RSPH10B: variants seen among roughly 807,000 people sequenced by gnomAD.
RSPH10B encodes radial spoke head 10 homolog B, also known as radial spoke head 10 homolog B (Chlamydomonas).
In RSPH10B, 7 loss-of-function variants were observed where a neutral mutation model predicts 52.5. That is an observed-to-expected ratio of 0.13 (90% CI 0.08 to 0.25). The LOEUF (loss-of-function observed/expected upper bound fraction) is 0.25. RSPH10B is among the 10% of genes least tolerant of loss of function. The pLI, the probability that RSPH10B is intolerant of heterozygous loss-of-function variation, is 1.00. For missense variants in RSPH10B, 89 were observed against 542.5 expected, an observed-to-expected ratio of 0.16 and a Z score of 8.30; for synonymous variants, 28 against 193.2, an observed-to-expected ratio of 0.14 and a Z score of 7.09.
intron 1 of RSPH10B, 106 bp from the exon 4 acceptor site, chr7:5,965,818 A>C: frequency 1.1e-5 from 3 of 263,916 alleles, no homozygotes. Flanking sequence ...AAGTCAGAAA[A>C]AAAAAAATAT....
chr7:5,927,048 T>TGTGTGTG (rs1347951159), intron 18 of RSPH10B, among the ~76,000 whole-genome samples: 23 of 70,838 alleles, frequency 3.2e-4, no homozygotes, highest in African/African-American at 8.1e-4. Context: ...TGTGTGTGTA[T>TGTGTGTG]TATGTGTGTG....
In RSPH10B at chr7:5,929,361, A is replaced by G. The variant is rs571456148; in HGVS notation, c.2234-967T>C. Among the ~76,000 whole-genome samples the G allele has an allele frequency of 6.0e-3, 707 of 118,812 alleles. 27 individuals are homozygous for G. Among genetic ancestry groups the G allele is most frequent in the African/African-American group, 0.02 (567 of 28,654 alleles). The allele number at this position is 118,812 out of a possible 152,430, so 77.9% of individuals were successfully genotyped here. A position where few individuals can be genotyped will look rare whatever the true frequency, so the allele number is the denominator to read the frequency against. ...CACCCAGCTAATTATTATAGAGACA[A>G]GGTTTCGCTATGTTGCCCATGGTCT... On this transcript the variant is annotated intron_variant, in intron 17 of 18. Transcript: ENST00000337579.
At chr7:5,942,923 TATA>T (rs2128629961) in intron 13 of RSPH10B, among the ~76,000 whole-genome samples, 1 of 117,974 alleles carries the variant, frequency 8.5e-6, no homozygotes, top group African/African-American at 3.1e-5. Flanking sequence ...TATATATATA[TATA>T]TTTTTTTTTA....
chr7:5,940,881 A>G (rs1780146157), intron 13 of RSPH10B, among the ~76,000 whole-genome samples: 1 of 67,550 alleles, frequency 1.5e-5, no homozygotes, highest in Non-Finnish European at 3.2e-5. Flanking sequence ...AGCCAAGATC[A>G]GGTCGCTGCA....
chr7:5,942,142 C>A (rs1299704976), intron 13 of RSPH10B, among the ~76,000 whole-genome samples: 2 of 147,980 alleles, frequency 1.4e-5, no homozygotes, highest in Non-Finnish European at 3.0e-5. Flanking sequence ...TGATCCACCC[C>A]CTCCGCCTTC....
intron 13 of RSPH10B, among the ~76,000 whole-genome samples, chr7:5,942,924 A>T (rs1210036099): frequency 8.4e-4 from 99 of 118,220 alleles, no homozygotes; most frequent in African/African-American, 1.6e-3. Context: ...ATATATATAT[A>T]TATTTTTTTT....
intron 18 of RSPH10B, among the ~76,000 whole-genome samples, chr7:5,927,064 G>A (rs1456144205): frequency 0.15 from 14,131 of 96,822 alleles, 478 homozygotes; most frequent in Non-Finnish European, 0.19. Flanking sequence ...GTGTGTGTGT[G>A]TGTATATGTG....
upstream of RSPH10B, among the ~76,000 whole-genome samples, chr7:5,968,678 T>G (rs1452549500): frequency 7.0e-4 from 48 of 69,042 alleles, 10 homozygotes; most frequent in Non-Finnish European, 1.3e-3. Flanking sequence ...GGCTAATTCT[T>G]TTTGTATTTT....
At chr7:5,940,035 A>C (rs1218363511) in intron 13 of RSPH10B, among the ~76,000 whole-genome samples, 2 of 125,832 alleles carry the variant, frequency 1.6e-5, no homozygotes, top group Non-Finnish European at 3.7e-5. Flanking sequence ...TCTCTACTAA[A>C]AATACAAAAA....
At chr7:5,948,061 A>T (rs1257694365) in intron 10 of RSPH10B, among the ~76,000 whole-genome samples, 159 bp downstream of exon 12, 3 of 12,208 alleles carry the variant, frequency 2.5e-4, no homozygotes, top group Non-Finnish European at 5.0e-4. Flanking sequence ...TTTAGTAGAG[A>T]CGGGGTTTCA....
chr7:5,933,478 G>A (rs1200759797), intron 16 of RSPH10B, among the ~76,000 whole-genome samples: 10 of 137,194 alleles, frequency 7.3e-5, no homozygotes, highest in Admixed American at 3.0e-4. Flanking sequence ...TAACGATACC[G>A]GCTAGGCGTG....
chr7:5,963,420 T>TGCAGGTGGCTTCCCGGCCC (rs2128641129), intron 3 of RSPH10B: 1 of 136,066 alleles, frequency 7.3e-6, no homozygotes, highest in East Asian at 2.3e-4. Context: ...ACCGCCCAGC[T>TGCAGGTGGCTTCCCGGCCC]GCAGGTGGCT....
At chr7:5,942,869 A>G (rs1490248607) in intron 13 of RSPH10B, among the ~76,000 whole-genome samples, 2 of 145,118 alleles carry the variant, frequency 1.4e-5, no homozygotes, top group Non-Finnish European at 3.0e-5. Context: ...TCTCAAAAAA[A>G]TAAAATTAAA....
At chr7:5,942,664 C>A (rs987822749) in intron 13 of RSPH10B, among the ~76,000 whole-genome samples, 21 of 149,552 alleles carry the variant, frequency 1.4e-4, no homozygotes, top group Admixed American at 4.8e-4. Context: ...GAGGTCAAGA[C>A]CAGCCTGGGC....
intron 12 of RSPH10B, 42 bp downstream of exon 14, chr7:5,943,869 A>C (rs751321420): frequency 6.2e-7 from 1 of 1,606,288 alleles, no homozygotes; most frequent in Non-Finnish European, 8.5e-7. Flanking sequence ...TTGAGAAAAA[A>C]AAATGGGGCG....
At chr7:5,961,126 G>A (rs1335634233) in intron 3 of RSPH10B, among the ~76,000 whole-genome samples, 3 of 115,494 alleles carry the variant, frequency 2.6e-5, no homozygotes, top group African/African-American at 6.6e-5. Flanking sequence ...GACTAAGTTC[G>A]AAGAAACAAG....
Position 5,930,763 on chromosome 7 carries a change from C to T in RSPH10B, c.2233+2019G>A, listed in dbSNP as rs867840296. On this transcript the variant is annotated intron_variant, in intron 17 of 18. Coordinates refer to ENST00000337579, the Ensembl canonical transcript of RSPH10B. ...GGAGAGGTCCTGGAGAAGGTGAGCA[C>T]GTACACAGCCCCCCAAGATACCTAG... Among the ~76,000 whole-genome samples the T allele has an allele frequency of 7.1e-4, 16 of 22,604 alleles. 4 individuals carry two copies. The highest frequency in any genetic ancestry group is 3.8e-3 in the South Asian group (2 of 530). The allele number at this position is 22,604 out of a possible 152,430, so 14.8% of individuals were successfully genotyped here. A position where few individuals can be genotyped will look rare whatever the true frequency, so the allele number is the denominator to read the frequency against.
At chr7:5,927,070 A>ATATGTGTATGTATATGTGTG (rs1554284566) in intron 18 of RSPH10B, among the ~76,000 whole-genome samples, 1 of 110,692 alleles carries the variant, frequency 9.0e-6, no homozygotes, top group African/African-American at 3.3e-5. Context: ...GTGTGTGTAT[A>ATATGTGTATGTATATGTGTG]TGTGTGTGTG....
chr7:5,968,833 G>GTT (rs1247537989), upstream of RSPH10B, among the ~76,000 whole-genome samples: 1 of 55,126 alleles, frequency 1.8e-5, no homozygotes, highest in African/African-American at 5.5e-5. Flanking sequence ...TGTTTTTTGG[G>GTT]TTTGTTTTTT....
Sources: gnomAD v4.1 joint callset for allele counts (sites outside exome capture counted in the v4.1 genomes callset) on GRCh38, gnomAD v4.1.1 for gene constraint, MANE v1.5 for transcripts, NCBI Gene and HGNC (gene_info 2026-07-23, HGNC 2026-07-21) for gene names.